PCDHA5: variants seen among roughly 807,000 people sequenced by gnomAD.
PCDHA5 encodes the protein protocadherin alpha 5.
In PCDHA5, 43 loss-of-function variants were observed where a neutral mutation model predicts 61.6. That is an observed-to-expected ratio of 0.70 (90% CI 0.55 to 0.90). The LOEUF (loss-of-function observed/expected upper bound fraction) is 0.90, where lower values mean the gene tolerates loss of function less well. Ranked by LOEUF, PCDHA5 falls within the 40% of genes least tolerant of loss-of-function variation. The pLI is 0.00. For missense variants in PCDHA5, 1,298 were observed against 1,222.7 expected (o/e 1.06, Z -0.92); for synonymous variants, 627 against 543.9 (o/e 1.15, Z -2.13).
chr5:140,832,634 AG>A (rs1772087918), intron 1 of PCDHA5, among the ~76,000 whole-genome samples: 1 of 152,156 alleles, frequency 6.6e-6, no homozygotes, highest in Non-Finnish European at 1.5e-5. Context: ...AAAAGTTCCT[AG>A]GAGGGTCTTT....
At chr5:140,843,096 C>G (rs2150352451) in intron 1 of PCDHA5, 2 of 1,595,598 alleles carry the variant, frequency 1.3e-6, no homozygotes, top group Non-Finnish European at 8.6e-7. Flanking sequence ...CACGTGGTAG[C>G]GAAGGTGCGC....
At chr5:140,936,972 T>C (rs2091238144) in intron 1 of PCDHA5, among the ~76,000 whole-genome samples, 2 of 152,314 alleles carry the variant, frequency 1.3e-5, no homozygotes, top group South Asian at 4.1e-4. Context: ...TATAAAAATA[T>C]GAAGCTTGTT....
At chr5:140,983,621 A>G (rs1271083054) in intron 3 of PCDHA5, among the ~76,000 whole-genome samples, 5 of 152,250 alleles carry the variant, frequency 3.3e-5, no homozygotes, top group African/African-American at 1.2e-4. Flanking sequence ...CAGAGAGATT[A>G]AGAAATGTAC....
intron 1 of PCDHA5, chr5:140,835,818 G>A: frequency 6.2e-7 from 1 of 1,612,692 alleles, no homozygotes; most frequent in Non-Finnish European, 8.5e-7. Flanking sequence ...CACTGTGTCG[G>A]CGGGGGACGC....
At chr5:140,977,732 G>A (rs538865467) in intron 1 of PCDHA5, among the ~76,000 whole-genome samples, 2 of 152,048 alleles carry the variant, frequency 1.3e-5, no homozygotes, top group African/African-American at 2.4e-5. Flanking sequence ...TTCTCTCCTG[G>A]GTGTTATGAA....
At chr5:140,958,746 G>C (rs946339571) in intron 1 of PCDHA5, among the ~76,000 whole-genome samples, 1 of 152,066 alleles carries the variant, frequency 6.6e-6, no homozygotes, top group African/African-American at 2.4e-5. Flanking sequence ...AGAGAGAAAG[G>C]AGATTTTTAC....
intron 1 of PCDHA5, chr5:140,870,035 A>G (rs1490530166): frequency 1.2e-6 from 2 of 1,613,656 alleles, no homozygotes; most frequent in African/African-American, 2.7e-5. Context: ...GATTATGAAG[A>G]AAACAAGTTT....
chr5:140,858,123 T>C, intron 1 of PCDHA5: 1 of 1,597,678 alleles, frequency 6.3e-7, no homozygotes, highest in East Asian at 2.2e-5. Flanking sequence ...GTGGCCCTGG[T>C]GGATGTCAAC....
chr5:140,985,739 C>CTTTTT (rs11372071), intron 3 of PCDHA5, among the ~76,000 whole-genome samples: 4 of 117,922 alleles, frequency 3.4e-5, no homozygotes, highest in East Asian at 2.5e-4. Flanking sequence ...TGATGAATTC[C>CTTTTT]TTTTTTTTTT....
At chr5:140,881,350 T>G (rs1189745119) in intron 1 of PCDHA5, 10 of 985,236 alleles carry the variant, frequency 1.0e-5, no homozygotes, top group Non-Finnish European at 1.2e-5. Context: ...CGGGCTACAA[T>G]GCGTGGCTTT....
At chr5:140,906,914 GC>G (rs2073038837) in intron 1 of PCDHA5, among the ~76,000 whole-genome samples, 1 of 152,182 alleles carries the variant, frequency 6.6e-6, no homozygotes, top group Admixed American at 6.5e-5. Context: ...GGTAGGAGGA[GC>G]CCAAAAAGTG....
chr5:140,935,566 T>A (rs2090441028), intron 1 of PCDHA5, among the ~76,000 whole-genome samples: 1 of 152,246 alleles, frequency 6.6e-6, no homozygotes, highest in Non-Finnish European at 1.5e-5. Context: ...AAAGTTCCTC[T>A]CTGTGTAGTT....
At chr5:140,862,293 C>A in intron 1 of PCDHA5, 1 of 268,596 alleles carries the variant, frequency 3.7e-6, no homozygotes, top group Non-Finnish European at 7.3e-6. Flanking sequence ...CAGGAGGACG[C>A]TCCACTGGGT....
intron 1 of PCDHA5, chr5:140,829,267 C>T (rs2150164900): frequency 1.5e-5 from 24 of 1,614,242 alleles, no homozygotes; most frequent in East Asian, 2.2e-5. Flanking sequence ...TGACGCCTCA[C>T]GTCCCTTTCA....
At position 140,915,045 on chromosome 5, in the gene PCDHA5, A is replaced by G. The variant is rs989835419; in HGVS notation, c.2353-63904A>G. 2.0e-5 allele frequency among the ~76,000 whole-genome samples: 3 copies of G among 151,216 alleles called. No homozygotes were observed. In the East Asian group the frequency reaches 5.8e-4, roughly 29 times the overall value. On this transcript the variant is annotated intron_variant, in intron 1 of 3. Transcript: ENST00000529859. ...ACTGCAACTTCTGCCTCCTGGGTTC[A>G]AGCGATTCTCCTGCCTTAGCCTACT...
chr5:140,856,835 C>T, intron 1 of PCDHA5: 2 of 1,591,090 alleles, frequency 1.3e-6, no homozygotes, highest in Non-Finnish European at 1.7e-6. Flanking sequence ...AGTAATACGG[C>T]TCAACGCTTC....
Position 140,909,713 on chromosome 5 carries a change from C to G in PCDHA5, c.2353-69236C>G, listed in dbSNP as rs6870083. 8.9e-3 allele frequency among the ~76,000 whole-genome samples: 1,356 copies of G among 152,266 alleles called. 15 individuals carry two copies. The highest frequency in any genetic ancestry group is 0.032 in the African/African-American group (1,312 of 41,548). ...GGGTTCTGCTAGCTGCTAAGTATAC[C>G]TATGCCAATTATGCATTCTGGCACT... is the stretch of plus-strand genomic sequence containing the variant. On this transcript the variant is annotated intron_variant, in intron 1 of 3. Transcript: ENST00000529859.
At chr5:140,948,371 T>G (rs1310252601) in intron 1 of PCDHA5, among the ~76,000 whole-genome samples, 1 of 151,586 alleles carries the variant, frequency 6.6e-6, no homozygotes, top group Non-Finnish European at 1.5e-5. Flanking sequence ...TTAGGAGGTG[T>G]TCCTTCCTCT....
At chr5:140,870,761 T>C (rs1456957620) in intron 1 of PCDHA5, 1 of 1,613,524 alleles carries the variant, frequency 6.2e-7, no homozygotes, top group Non-Finnish European at 8.5e-7. Flanking sequence ...CTGCAGGTGT[T>C]CGTGCTGGAC....
Sources: allele counts gnomAD v4.1 joint callset (sites outside exome capture counted in the v4.1 genomes callset), GRCh38; gene constraint gnomAD v4.1.1; transcripts MANE v1.5; gene names NCBI Gene and HGNC (gene_info 2026-07-23, HGNC 2026-07-21).